Variants in PREX2 observed in about 807,000 individuals in gnomAD.
PREX2 encodes the protein phosphatidylinositol-3,4,5-trisphosphate dependent Rac exchange factor 2.
A neutral mutation model predicts 203.2 loss-of-function variants in PREX2; 107 were observed. The ratio of observed to expected loss-of-function variants is 0.53; its 90% CI spans 0.45 to 0.62. The LOEUF (loss-of-function observed/expected upper bound fraction) is 0.62. Ranked by LOEUF, PREX2 falls within the 20% of genes least tolerant of loss-of-function variation. The pLI, the probability that PREX2 is intolerant of heterozygous loss-of-function variation, is 0.00. For synonymous variants in PREX2, 672 were observed against 663.6 expected (o/e 1.01, Z -0.19); for missense variants, 1,777 against 1,955.9 (o/e 0.91, Z 1.72).
chr8:68,078,485 A>G (rs1282461596), intron 15 of PREX2, among the ~76,000 whole-genome samples: 1 of 152,210 alleles, frequency 6.6e-6, no homozygotes, highest in East Asian at 1.9e-4. Flanking sequence ...TTAATATAAT[A>G]TGCTTATAAA....
intron 1 of PREX2, among the ~76,000 whole-genome samples, chr8:67,995,401 T>C (rs1366479694): frequency 3.3e-5 from 5 of 152,200 alleles, no homozygotes; most frequent in Non-Finnish European, 7.4e-5. Context: ...CAGATATATG[T>C]ACTTGATTAT....
chr8:68,048,359 A>G (rs1808428866), intron 8 of PREX2, among the ~76,000 whole-genome samples: 1 of 152,030 alleles, frequency 6.6e-6, no homozygotes, highest in African/African-American at 2.4e-5. Context: ...GCACTAGTTT[A>G]TTTCTATGGT....
At position 68,044,610 on chromosome 8, in the gene PREX2, T is replaced by C; in HGVS notation, c.943+20T>C. The C allele has an allele frequency of 6.6e-7, 1 of 1,513,598 alleles. No homozygotes were observed. The highest frequency in any genetic ancestry group is 9.2e-7 in the Non-Finnish European group (1 of 1,089,576). The allele number at this position is 1,513,598 out of a possible 1,614,324, so 93.8% of individuals were successfully genotyped here. A position where few individuals can be genotyped will look rare whatever the true frequency, so the allele number is the denominator to read the frequency against. ...GCACCGGTAAGTGATTTGTAGATTT[T>C]AAATGGGATGCCAATAGTAAATAGA... On this transcript the variant is annotated intron_variant, in intron 8 of 39. Transcript: ENST00000288368.
chr8:68,124,118 A>G (rs1403317190), intron 30 of PREX2, among the ~76,000 whole-genome samples: 1 of 152,104 alleles, frequency 6.6e-6, no homozygotes, highest in Non-Finnish European at 1.5e-5. Flanking sequence ...CAACATACTC[A>G]AATCAACAAA....
At chr8:68,122,368 A>G (rs1489307236) in intron 30 of PREX2, among the ~76,000 whole-genome samples, 1 of 152,054 alleles carries the variant, frequency 6.6e-6, no homozygotes, top group African/African-American at 2.4e-5. Flanking sequence ...GCCTAATGTA[A>G]TGTTTATCTG....
chr8:68,128,630 G>A (rs888723250), intron 31 of PREX2, among the ~76,000 whole-genome samples: 3 of 152,120 alleles, frequency 2.0e-5, no homozygotes, highest in African/African-American at 7.2e-5. Context: ...TCATCTATGA[G>A]GCTAGCCTGT....
chr8:68,171,212 A>C (rs1235044374), intron 35 of PREX2, among the ~76,000 whole-genome samples: 1 of 152,186 alleles, frequency 6.6e-6, no homozygotes, highest in Non-Finnish European at 1.5e-5. Context: ...TTTTCAAAGC[A>C]AGTATTCTCT....
At chr8:68,174,302 C>A (rs1811937914) in intron 35 of PREX2, among the ~76,000 whole-genome samples, 1 of 152,138 alleles carries the variant, frequency 6.6e-6, no homozygotes, top group South Asian at 2.1e-4. Flanking sequence ...TACTGAAACT[C>A]ATGATTTGTG....
At chr8:68,092,515 G>A (rs945778587) in intron 20 of PREX2, among the ~76,000 whole-genome samples, 1 of 152,056 alleles carries the variant, frequency 6.6e-6, no homozygotes, top group Non-Finnish European at 1.5e-5. Context: ...CATTTGTTTG[G>A]TAGTCATCTC....
intron 1 of PREX2, among the ~76,000 whole-genome samples, chr8:67,965,042 C>T (rs539521286): frequency 6.6e-6 from 1 of 152,158 alleles, no homozygotes; most frequent in South Asian, 2.1e-4. Flanking sequence ...TTGTTGACTC[C>T]GGAAGTACAC....
intron 33 of PREX2, among the ~76,000 whole-genome samples, chr8:68,143,203 G>A (rs903860350): frequency 2.0e-5 from 3 of 152,104 alleles, no homozygotes; most frequent in East Asian, 1.9e-4. Context: ...TGTTGGAGAT[G>A]GGGCCTGGTG....
rs760177073 is a variant in PREX2 at position 68,090,623 on chromosome 8, A to G, written c.2158A>G (p.Ile720Val). Residue 720 changes from isoleucine (I) to valine (V), a missense_variant, in exon 20 of 40, where the codon ATC becomes GTC. Transcript: ENST00000288368. The part of the protein sequence containing the change: ...AAGLHPGQCI[I>V]KVNGINVSKE... ...TGGTCTTCACCCTGGACAGTGCATT[A>G]TCAAGGTGAATGGAATCAATGTCAG... 2 of 1,613,538 alleles carry G rather than the reference A, an allele frequency of 1.2e-6. No homozygotes were observed. Among genetic ancestry groups the G allele is most frequent in the African/African-American group, 2.7e-5 (2 of 74,908 alleles).
intron 1 of PREX2, among the ~76,000 whole-genome samples, chr8:67,972,547 G>A (rs770793852): frequency 1.7e-3 from 262 of 152,134 alleles, no homozygotes; most frequent in Non-Finnish European, 2.5e-3. Flanking sequence ...AAGGTTCCCC[G>A]TGACTATCTT....
intron 38 of PREX2, among the ~76,000 whole-genome samples, chr8:68,222,999 A>G (rs1345730947): frequency 6.6e-6 from 1 of 152,226 alleles, no homozygotes; most frequent in African/African-American, 2.4e-5. Context: ...GACCTCAGGA[A>G]CTGTCACAGA....
intron 1 of PREX2, among the ~76,000 whole-genome samples, chr8:67,957,193 GT>G (rs1805515702): frequency 6.6e-6 from 1 of 151,966 alleles, no homozygotes; most frequent in Non-Finnish European, 1.5e-5. Flanking sequence ...ACTTCTCTTC[GT>G]TTCCTCCTTC....
At chr8:68,158,551 G>T (rs191377315) in intron 35 of PREX2, among the ~76,000 whole-genome samples, 1 of 152,108 alleles carries the variant, frequency 6.6e-6, no homozygotes, top group Non-Finnish European at 1.5e-5. Flanking sequence ...CTGATTTACA[G>T]AAATAACATT....
chr8:68,037,771 C>T (rs957321647), intron 6 of PREX2, among the ~76,000 whole-genome samples: 4 of 151,960 alleles, frequency 2.6e-5, no homozygotes, highest in Non-Finnish European at 5.9e-5. Context: ...TACTTTGTGC[C>T]TGTGGAGGCT....
intron 33 of PREX2, among the ~76,000 whole-genome samples, chr8:68,140,350 C>T (rs924842994): frequency 1.3e-5 from 2 of 152,144 alleles, no homozygotes; most frequent in East Asian, 1.9e-4. Flanking sequence ...CAATGCTGCA[C>T]TATTGAACAC....
intron 1 of PREX2, among the ~76,000 whole-genome samples, chr8:67,976,705 ACGG>A (rs1314423112): frequency 1.4e-5 from 1 of 73,388 alleles, no homozygotes; most frequent in African/African-American, 4.4e-5. Flanking sequence ...AGAGAGAGAG[ACGG>A]GAGAGAGACA....
Sources: allele counts gnomAD v4.1 joint callset (sites outside exome capture counted in the v4.1 genomes callset), GRCh38; gene constraint gnomAD v4.1.1; transcripts MANE v1.5; gene names NCBI Gene and HGNC (gene_info 2026-07-23, HGNC 2026-07-21).